PDGFD: variants seen among roughly 807,000 people sequenced by gnomAD.
The protein encoded by PDGFD is platelet derived growth factor D, also known as platelet-derived growth factor D.
A neutral mutation model predicts 44.7 loss-of-function variants in PDGFD; 30 were observed. The ratio of observed to expected loss-of-function variants is 0.67; its 90% CI spans 0.50 to 0.91. The LOEUF (loss-of-function observed/expected upper bound fraction) is 0.91, where lower values mean the gene tolerates loss of function less well. Ranked by LOEUF, PDGFD falls within the 40% of genes least tolerant of loss-of-function variation. PDGFD has a pLI of 0.00. For missense variants in PDGFD, 445 were observed against 457.8 expected (o/e 0.97, Z 0.25); for synonymous variants, 173 against 168.4 (o/e 1.03, Z -0.21).
intron 5 of PDGFD, among the ~76,000 whole-genome samples, chr11:103,934,655 G>A (rs1197397074): frequency 6.6e-6 from 1 of 152,214 alleles, no homozygotes; most frequent in Non-Finnish European, 1.5e-5. Context: ...GGTGGCAGGA[G>A]GGAGAGCATG....
At chr11:104,030,022 G>A (rs1299864294) in intron 1 of PDGFD, among the ~76,000 whole-genome samples, 2 of 151,966 alleles carry the variant, frequency 1.3e-5, no homozygotes, top group African/African-American at 2.4e-5. Context: ...CTCACGAGAC[G>A]GGTCTTAGTC....
At chr11:103,992,815 GA>G (rs1324188458) in intron 3 of PDGFD, among the ~76,000 whole-genome samples, 1 of 152,208 alleles carries the variant, frequency 6.6e-6, no homozygotes, top group Non-Finnish European at 1.5e-5. Context: ...TTATGAGCAT[GA>G]ACCATGTAGA....
chr11:104,098,475 A>T (rs1861317243), intron 1 of PDGFD, among the ~76,000 whole-genome samples: 1 of 150,896 alleles, frequency 6.6e-6, no homozygotes, highest in Non-Finnish European at 1.5e-5. Context: ...CAAATCATAT[A>T]TAGAGAGGGG....
chr11:103,929,407 T>C (rs183729022), intron 5 of PDGFD, among the ~76,000 whole-genome samples: 1 of 152,274 alleles, frequency 6.6e-6, no homozygotes, highest in East Asian at 1.9e-4. Context: ...CAAGCCAAAG[T>C]ACAGCATGCC....
At chr11:104,016,866 A>T (rs990691067) in intron 1 of PDGFD, among the ~76,000 whole-genome samples, 2 of 152,230 alleles carry the variant, frequency 1.3e-5, no homozygotes, top group African/African-American at 2.4e-5. Flanking sequence ...GCCATGTAGC[A>T]CTATTTAAGA....
intron 1 of PDGFD, among the ~76,000 whole-genome samples, chr11:104,087,439 C>T (rs565871188): frequency 6.6e-6 from 1 of 152,180 alleles, no homozygotes; most frequent in East Asian, 1.9e-4. Context: ...AATCTCCTGG[C>T]CTCATGATCC....
chr11:104,084,446 T>TA (rs1456284705), intron 1 of PDGFD, among the ~76,000 whole-genome samples: 1 of 151,914 alleles, frequency 6.6e-6, no homozygotes, highest in Admixed American at 6.6e-5. Flanking sequence ...CTGAGCTCAG[T>TA]ATGTTGAAGA....
chr11:103,972,768 C>T (rs1859122142), intron 3 of PDGFD, among the ~76,000 whole-genome samples: 2 of 152,178 alleles, frequency 1.3e-5, no homozygotes, highest in Admixed American at 1.3e-4. Flanking sequence ...CACTTTCTAG[C>T]AGCACAAACG....
chr11:103,924,002 C>A (rs1858265623), intron 6 of PDGFD, among the ~76,000 whole-genome samples: 1 of 152,130 alleles, frequency 6.6e-6, no homozygotes, highest in African/African-American at 2.4e-5. Context: ...TAACTGAGAA[C>A]AGAAATTTGC....
At chr11:104,052,135 C>T (rs1860549412) in intron 1 of PDGFD, among the ~76,000 whole-genome samples, 1 of 152,144 alleles carries the variant, frequency 6.6e-6, no homozygotes. Flanking sequence ...CTGTGTTTGG[C>T]TTCTTCAATT....
At chr11:103,999,664 C>T (rs144365910) in intron 2 of PDGFD, among the ~76,000 whole-genome samples, 2 of 152,174 alleles carry the variant, frequency 1.3e-5, no homozygotes, top group Admixed American at 6.5e-5. Context: ...GGGAGCCGGG[C>T]AGGGGTTTAT....
At chr11:104,037,866 G>A in intron 1 of PDGFD, 1 of 1,614,176 alleles carries the variant, frequency 6.2e-7, no homozygotes, top group Non-Finnish European at 8.5e-7. Flanking sequence ...AGAAAAATGT[G>A]CTGGTCATCG....
chr11:104,147,317 C>T lies in PDGFD; in HGVS notation c.124+16487G>A, dbSNP rs531163613. On this transcript the variant is annotated intron_variant, in intron 1 of 6. Coordinates refer to ENST00000393158, the MANE Select transcript of PDGFD (RefSeq NM_025208.5). ...TTGCAGCAATGAAAGTTTTACAGGG[C>T]ATCATTATATATGAGCCTGTCATGG... Among the ~76,000 whole-genome samples, 8 of 152,176 alleles carry T rather than the reference C, an allele frequency of 5.3e-5. No homozygotes were observed. The East Asian group carries it at 1.5e-3, about 29-fold the overall frequency.
intron 1 of PDGFD, among the ~76,000 whole-genome samples, chr11:104,119,309 G>GATATAAT (rs1309593556): frequency 6.3e-5 from 1 of 15,864 alleles, no homozygotes; most frequent in Non-Finnish European, 1.1e-4. Context: ...ATAATATATT[G>GATATAAT]ATATAATATA....
At chr11:104,075,569 C>T (rs752326940) in intron 1 of PDGFD, among the ~76,000 whole-genome samples, 1 of 151,562 alleles carries the variant, frequency 6.6e-6, no homozygotes, top group African/African-American at 2.4e-5. Flanking sequence ...TCATGGCTCA[C>T]TGCAACCTTG....
intron 1 of PDGFD, among the ~76,000 whole-genome samples, chr11:104,113,424 A>C (rs984417342): frequency 1.3e-5 from 2 of 152,086 alleles, no homozygotes; most frequent in Admixed American, 6.6e-5. Context: ...TCAGAATAGG[A>C]GGGTGGACAG....
chr11:104,081,264 T>A (rs1205105386), intron 1 of PDGFD, among the ~76,000 whole-genome samples: 2 of 152,312 alleles, frequency 1.3e-5, no homozygotes, highest in East Asian at 3.9e-4. Flanking sequence ...TACTTTTTTA[T>A]GAAATATCTC....
At chr11:104,135,965 G>T (rs1591181722) in intron 1 of PDGFD, among the ~76,000 whole-genome samples, 1 of 152,298 alleles carries the variant, frequency 6.6e-6, no homozygotes, top group Admixed American at 6.5e-5. Flanking sequence ...CTCTCTGGAA[G>T]CCTGGGAAGG....
chr11:104,113,115 A>G (rs1039985002), intron 1 of PDGFD, among the ~76,000 whole-genome samples: 1 of 152,308 alleles, frequency 6.6e-6, no homozygotes, highest in Middle Eastern at 3.4e-3. Flanking sequence ...TTTTTAGAAG[A>G]GGCCATTCGA....
Sources: allele counts gnomAD v4.1 joint callset (sites outside exome capture counted in the v4.1 genomes callset), GRCh38; gene constraint gnomAD v4.1.1; transcripts MANE v1.5; gene names NCBI Gene and HGNC (gene_info 2026-07-23, HGNC 2026-07-21).